The following CACNA2D3 variants were observed in gnomAD, a reference collection of about 807,000 sequenced individuals.
CACNA2D3 encodes the protein calcium voltage-gated channel auxiliary subunit alpha2delta 3, also known as voltage-dependent calcium channel subunit alpha-2/delta-3.
In CACNA2D3, 60 loss-of-function variants were observed where a neutral mutation model predicts 160.6. That is an observed-to-expected ratio of 0.37 (90% CI 0.30 to 0.46). The LOEUF (loss-of-function observed/expected upper bound fraction) is 0.46. CACNA2D3 is among the 20% of genes least tolerant of loss of function. The pLI, the probability that CACNA2D3 is intolerant of heterozygous loss-of-function variation, is 1.00. For missense variants in CACNA2D3, 1,205 were observed against 1,365.0 expected, an observed-to-expected ratio of 0.88 and a Z score of 1.85; for synonymous variants, 558 against 492.9, an observed-to-expected ratio of 1.13 and a Z score of -1.75.
chr3:54,675,575 A>C (rs563305721), intron 11 of CACNA2D3, among the ~76,000 whole-genome samples: 1 of 152,240 alleles, frequency 6.6e-6, no homozygotes, highest in African/African-American at 2.4e-5. Flanking sequence ...GGATGAGTCT[A>C]GGACTCATTT....
chr3:54,291,842 A>T lies in CACNA2D3; in HGVS notation c.205-28600A>T, dbSNP rs1219083637. ...CATTGATTCACTCATTCATTCAACTATTGAGTAAATTTCTGTTACGTGCTG... is the reference window on the plus strand; with the variant it reads ...CATTGATTCACTCATTCATTCAACTTTTGAGTAAATTTCTGTTACGTGCTG... On this transcript the variant is annotated intron_variant, in intron 2 of 37. Coordinates refer to ENST00000474759, the MANE Select transcript of CACNA2D3 (RefSeq NM_018398.3). 1.3e-4 allele frequency among the ~76,000 whole-genome samples: 20 copies of T among 152,306 alleles called. No homozygotes were observed. The South Asian group carries it at 3.5e-3, about 27-fold the overall frequency.
chr3:54,183,533 A>T (rs967832797), intron 2 of CACNA2D3, among the ~76,000 whole-genome samples: 2 of 149,498 alleles, frequency 1.3e-5, no homozygotes, highest in South Asian at 2.1e-4. Flanking sequence ...CCCATAGATT[A>T]AAAAAAAAAT....
At chr3:54,508,025 AG>A (rs1191710154) in intron 5 of CACNA2D3, among the ~76,000 whole-genome samples, 2 of 152,232 alleles carry the variant, frequency 1.3e-5, no homozygotes, top group East Asian at 3.9e-4. Flanking sequence ...TGGCATTAAA[AG>A]GGGAGCCTTT....
chr3:54,737,299 C>G (rs1415458156), intron 11 of CACNA2D3, among the ~76,000 whole-genome samples: 4 of 151,144 alleles, frequency 2.6e-5, no homozygotes, highest in African/African-American at 9.7e-5. Flanking sequence ...CCAACAGAGG[C>G]CAAGGCAGAG....
At chr3:54,972,905 C>T (rs1278324249) in intron 29 of CACNA2D3, among the ~76,000 whole-genome samples, 2 of 152,132 alleles carry the variant, frequency 1.3e-5, no homozygotes, top group Admixed American at 6.5e-5. Context: ...TTACCGAGCC[C>T]TTCTTAGGCA....
intron 2 of CACNA2D3, among the ~76,000 whole-genome samples, chr3:54,261,596 T>C (rs527633546): frequency 4.7e-4 from 72 of 152,308 alleles, no homozygotes; most frequent in Non-Finnish European, 8.8e-4. Flanking sequence ...TGAACAAATA[T>C]ATGCTTCCCC....
chr3:54,267,889 G>T (rs1702550269), intron 2 of CACNA2D3, among the ~76,000 whole-genome samples: 1 of 152,138 alleles, frequency 6.6e-6, no homozygotes, highest in Non-Finnish European at 1.5e-5. Context: ...TGATTTTGGG[G>T]CTTAAGCTAA....
At chr3:54,369,775 A>G (rs902750047) in intron 3 of CACNA2D3, among the ~76,000 whole-genome samples, 5 of 152,180 alleles carry the variant, frequency 3.3e-5, no homozygotes, top group Non-Finnish European at 7.3e-5. Context: ...GTGGCAAGTC[A>G]TCACTTTCTT....
At chr3:54,322,472 T>C (rs1489420302) in intron 3 of CACNA2D3, among the ~76,000 whole-genome samples, 1 of 152,248 alleles carries the variant, frequency 6.6e-6, no homozygotes, top group East Asian at 1.9e-4. Context: ...ACTGTTATTA[T>C]TGTTGTCTTA....
chr3:54,352,954 A>G (rs1266750679), intron 3 of CACNA2D3, among the ~76,000 whole-genome samples: 1 of 152,228 alleles, frequency 6.6e-6, no homozygotes, highest in Non-Finnish European at 1.5e-5. Flanking sequence ...GAAATAGGAC[A>G]TCATAAAGAA....
At chr3:54,377,549 A>C (rs1196832650) in intron 3 of CACNA2D3, among the ~76,000 whole-genome samples, 1 of 152,164 alleles carries the variant, frequency 6.6e-6, no homozygotes, top group African/African-American at 2.4e-5. Context: ...ATCCTTTGGG[A>C]AATTTTTGTA....
At chr3:54,946,390 C>G (rs1004736977) in intron 27 of CACNA2D3, among the ~76,000 whole-genome samples, 1 of 152,172 alleles carries the variant, frequency 6.6e-6, no homozygotes, top group African/African-American at 2.4e-5. Flanking sequence ...CAGGGAACAC[C>G]TGAGCTGTCA....
intron 27 of CACNA2D3, among the ~76,000 whole-genome samples, chr3:54,961,455 A>G (rs1383687163): frequency 1.3e-5 from 2 of 152,232 alleles, no homozygotes; most frequent in African/African-American, 4.8e-5. Flanking sequence ...TATTCCCTCT[A>G]ATAAAACTAC....
chr3:54,551,021 A>G (rs1163686445), intron 5 of CACNA2D3, among the ~76,000 whole-genome samples: 1 of 152,016 alleles, frequency 6.6e-6, no homozygotes, highest in Non-Finnish European at 1.5e-5. Flanking sequence ...ACCTGCCACC[A>G]CTTGGTTGCT....
chr3:54,557,065 A>G (rs1702253305), intron 5 of CACNA2D3, among the ~76,000 whole-genome samples: 1 of 152,194 alleles, frequency 6.6e-6, no homozygotes, highest in Admixed American at 6.5e-5. Context: ...GACTGTAACA[A>G]TAGACAGCTA....
intron 27 of CACNA2D3, among the ~76,000 whole-genome samples, chr3:54,951,614 C>T (rs552198719): frequency 3.3e-5 from 5 of 152,288 alleles, no homozygotes; most frequent in Admixed American, 2.0e-4. Flanking sequence ...AGCCACAGGG[C>T]GGCTGGCTCT....
intron 11 of CACNA2D3, among the ~76,000 whole-genome samples, chr3:54,745,906 A>G (rs1304931490): frequency 6.6e-6 from 1 of 152,160 alleles, no homozygotes; most frequent in Non-Finnish European, 1.5e-5. Context: ...CCCTAAGGTG[A>G]CAGTCCATTT....
chr3:54,495,104 G>A (rs1251968879), intron 4 of CACNA2D3, among the ~76,000 whole-genome samples: 1 of 152,164 alleles, frequency 6.6e-6, no homozygotes, highest in Non-Finnish European at 1.5e-5. Flanking sequence ...TAAGAGAAGG[G>A]GTCCTTCCAA....
intron 3 of CACNA2D3, among the ~76,000 whole-genome samples, chr3:54,332,114 G>A (rs2107518528): frequency 6.6e-6 from 1 of 152,326 alleles, no homozygotes; most frequent in Admixed American, 6.5e-5. Context: ...TAGAAAGAAA[G>A]AGCATTAAGC....
Sources: gnomAD v4.1 joint callset for allele counts (sites outside exome capture counted in the v4.1 genomes callset) on GRCh38, gnomAD v4.1.1 for gene constraint, MANE v1.5 for transcripts, NCBI Gene and HGNC (gene_info 2026-07-23, HGNC 2026-07-21) for gene names.